ZMAT3: variants seen among roughly 807,000 people sequenced by gnomAD.
ZMAT3 encodes zinc finger matrin-type 3.
In ZMAT3, 17 loss-of-function variants were observed where a neutral mutation model predicts 32.3. The observed-to-expected ratio is 0.53, with a 90% CI of 0.36 to 0.79. ZMAT3 has a LOEUF of 0.79. Ranked by LOEUF, ZMAT3 falls within the 30% of genes least tolerant of loss-of-function variation. ZMAT3 has a pLI of 0.00. For synonymous variants in ZMAT3, 120 were observed against 133.1 expected (o/e 0.90, Z 0.68); for missense variants, 329 against 359.7 (o/e 0.91, Z 0.69).
In ZMAT3 at chr3:179,024,960, G is replaced by A; in HGVS notation, c.*57C>T. On this transcript the variant is annotated 3_prime_UTR_variant, in exon 6 of 6. Transcript: ENST00000311417. Reference sequence around the variant, plus strand: ...TCAAAAAGACCACAAAGCAGGGCAAGTTGACAAAAGGCAAACAACAGGCAG... The same window carrying A: ...TCAAAAAGACCACAAAGCAGGGCAAATTGACAAAAGGCAAACAACAGGCAG... The A allele has an allele frequency of 6.5e-7, 1 of 1,546,852 alleles. No homozygotes were observed. The highest frequency in any genetic ancestry group is 1.1e-5 in the South Asian group (1 of 89,326).
chr3:179,036,896 T>C (rs1719623814), intron 2 of ZMAT3, among the ~76,000 whole-genome samples: 1 of 152,054 alleles, frequency 6.6e-6, no homozygotes, highest in Non-Finnish European at 1.5e-5. Context: ...CGATGCCTTT[T>C]AGGCAATCAA....
At position 179,030,906 on chromosome 3, in the gene ZMAT3, TAGC is replaced by T; in HGVS notation, c.361_363del (p.Ala121del). On this transcript the variant is annotated inframe_deletion, in exon 3 of 6. Transcript: ENST00000311417. ...TGCGGAGGGACTGGAACAACTGGAG[TAGC>T]TGCAGGCTCGACCACATTGCTCATT... 1 of 1,613,562 alleles carries T rather than the reference TAGC, an allele frequency of 6.2e-7. No individual in the cohort carries two copies. The highest frequency in any genetic ancestry group is 8.5e-7 in the Non-Finnish European group (1 of 1,179,762).
At chr3:179,026,772 A>T (rs563512593) in intron 5 of ZMAT3, among the ~76,000 whole-genome samples, 1 of 152,260 alleles carries the variant, frequency 6.6e-6, no homozygotes, top group East Asian at 1.9e-4. Context: ...TCACTGTTCA[A>T]GTAAATGACC....
chr3:179,066,797 A>C (rs73050053), intron 2 of ZMAT3, among the ~76,000 whole-genome samples: 5,511 of 152,314 alleles, frequency 0.036, 265 homozygotes, highest in African/African-American at 0.1. Flanking sequence ...TACCCTTTAA[A>C]ATGGTCCTTT....
chr3:179,027,925 C>G, intron 3 of ZMAT3, 113 bp from the exon 4 acceptor site: 1 of 1,045,500 alleles, frequency 9.6e-7, no homozygotes, highest in East Asian at 2.6e-5. Context: ...GGCATGACCA[C>G]AAGCATTAAG....
In ZMAT3 at chr3:179,046,107, G is replaced by C. The variant is rs1720221877; in HGVS notation, c.271-15108C>G. ...TGGGATCATTTCCCTTTGAAATATG[G>C]ATTTTAGAGGCTTGTCTGTATGACA... is the stretch of plus-strand genomic sequence containing the variant. On this transcript the variant is annotated intron_variant, in intron 2 of 5. Coordinates refer to ENST00000311417, the MANE Select transcript of ZMAT3 (RefSeq NM_022470.4). The surrounding 1 kb of genome is among the most constrained non-coding windows in gnomAD (Gnocchi z 4.3). Among the ~76,000 whole-genome samples, 1 of 152,126 alleles carries C rather than the reference G, an allele frequency of 6.6e-6. No homozygotes were observed. Among genetic ancestry groups the C allele is most frequent in the South Asian group, 2.1e-4 (1 of 4,820 alleles).
intron 2 of ZMAT3, among the ~76,000 whole-genome samples, chr3:179,039,006 G>A (rs1372154163): frequency 1.4e-4 from 22 of 152,246 alleles, no homozygotes. Flanking sequence ...CCTGGCTGGG[G>A]GAGGGGCCTC....
rs777334717 is a variant in ZMAT3 at position 179,030,872 on chromosome 3, T to C, written c.390+8A>G. On this transcript the variant is annotated splice_region_variant and intron_variant, in intron 3 of 5. Transcript: ENST00000311417. ...TAATGCTGCTTCACCCTGACACACA[T>C]GTCTCACCTGCGGAGGGACTGGAAC... 6.3e-6 allele frequency: 10 copies of C among 1,592,862 alleles called. No homozygotes were observed. The Admixed American group carries it at 1.1e-4, about 18-fold the overall frequency.
rs1720227426 is a variant in ZMAT3, at chr3:179,046,206, CA to C, written c.271-15208del. Among the ~76,000 whole-genome samples the C allele has an allele frequency of 6.6e-6, 1 of 152,198 alleles. No individual in the cohort carries two copies. The highest frequency in any genetic ancestry group is 1.5e-5 in the Non-Finnish European group (1 of 68,016). The stretch of plus-strand genomic sequence containing the variant: ...AGAGCATGACTACAGGAACACAGTC[CA>C]TGAAAAGGCAGAAGAGGTACCCAGT... On this transcript the variant is annotated intron_variant, in intron 2 of 5. Coordinates refer to ENST00000311417, the MANE Select transcript of ZMAT3 (RefSeq NM_022470.4). This position sits in a 1 kb window ranked among gnomAD's most constrained non-coding sequence, Gnocchi z 4.3.
chr3:179,053,542 T>C (rs1720681888), intron 2 of ZMAT3, among the ~76,000 whole-genome samples: 1 of 152,074 alleles, frequency 6.6e-6, no homozygotes. Context: ...CACCTCCCCA[T>C]ATAACATTTG....
rs1228676139 is a variant in ZMAT3, at chr3:179,046,663, C to T, written c.271-15664G>A. On this transcript the variant is annotated intron_variant, in intron 2 of 5. Coordinates refer to ENST00000311417, the MANE Select transcript of ZMAT3 (RefSeq NM_022470.4). This position sits in a 1 kb window ranked among gnomAD's most constrained non-coding sequence, Gnocchi z 4.3. ...AATGAACTCAGTGCTACAGATGAGGCACAGTGGGAGGAAGACCAGCCTTTA... is the reference window on the plus strand; with the variant it reads ...AATGAACTCAGTGCTACAGATGAGGTACAGTGGGAGGAAGACCAGCCTTTA... 6.6e-6 allele frequency among the ~76,000 whole-genome samples: 1 copy of T among 152,184 alleles called. No homozygotes were observed. Among genetic ancestry groups the T allele is most frequent in the Non-Finnish European group, 1.5e-5 (1 of 68,030 alleles).
intron 2 of ZMAT3, among the ~76,000 whole-genome samples, chr3:179,058,755 C>CAAA (rs56006230): frequency 1.5e-5 from 1 of 68,204 alleles, no homozygotes. Flanking sequence ...GACTCCGTCT[C>CAAA]AAAAAAAAAA....
intron 2 of ZMAT3, among the ~76,000 whole-genome samples, chr3:179,053,391 A>G (rs1409316679): frequency 1.3e-5 from 2 of 152,094 alleles, no homozygotes; most frequent in Non-Finnish European, 2.9e-5. Flanking sequence ...TCTTAAAGTA[A>G]AATTCCAAGT....
At chr3:179,030,430 C>T (rs1719117655) in intron 3 of ZMAT3, among the ~76,000 whole-genome samples, 1 of 150,398 alleles carries the variant, frequency 6.6e-6, no homozygotes, top group South Asian at 2.1e-4. Context: ...TCTCAGCTCA[C>T]TGCAAGCTCC....
At chr3:179,065,579 T>C (rs1357776859) in intron 2 of ZMAT3, among the ~76,000 whole-genome samples, 2 of 152,214 alleles carry the variant, frequency 1.3e-5, no homozygotes, top group African/African-American at 4.8e-5. Flanking sequence ...GTATAATCCA[T>C]GGACATGTTA....
chr3:179,041,315 T>G lies in ZMAT3; in HGVS notation c.271-10316A>C, dbSNP rs1190335194. On this transcript the variant is annotated intron_variant, in intron 2 of 5. Coordinates refer to ENST00000311417, the MANE Select transcript of ZMAT3 (RefSeq NM_022470.4). ...CACCACATCACACTTATTCTAAAAT[T>G]GACCACATAATTGGAAGTAAAGTAT... is the stretch of plus-strand genomic sequence containing the variant. 2.0e-5 allele frequency among the ~76,000 whole-genome samples: 3 copies of G among 152,296 alleles called. No individual in the cohort carries two copies. The East Asian group carries it at 5.8e-4, about 29-fold the overall frequency.
chr3:179,044,980 G>C (rs1720151319), intron 2 of ZMAT3, among the ~76,000 whole-genome samples: 1 of 151,776 alleles, frequency 6.6e-6, no homozygotes, highest in South Asian at 2.1e-4. Context: ...GTATACCTAT[G>C]TATCAAACCT....
intron 2 of ZMAT3, among the ~76,000 whole-genome samples, chr3:179,038,842 A>C (rs899777626): frequency 6.6e-6 from 1 of 152,232 alleles, no homozygotes; most frequent in Non-Finnish European, 1.5e-5. Flanking sequence ...CTGGAAAAAC[A>C]GGACACTTCT....
intron 4 of ZMAT3, 49 bp downstream of exon 4, chr3:179,027,597 A>T: frequency 3.7e-6 from 6 of 1,613,854 alleles, no homozygotes; most frequent in Non-Finnish European, 5.1e-6. Context: ...CTTTAAAGAC[A>T]GTCAATCTCA....
Sources: allele counts gnomAD v4.1 joint callset (sites outside exome capture counted in the v4.1 genomes callset), GRCh38; gene constraint gnomAD v4.1.1; non-coding constraint Gnocchi (gnomAD v3.1); transcripts MANE v1.5; gene names NCBI Gene and HGNC (gene_info 2026-07-23, HGNC 2026-07-21).